The following CSNK2A2 variants were observed in gnomAD, a reference collection of about 807,000 sequenced individuals.
CSNK2A2 encodes the protein casein kinase 2 alpha 2.
CSNK2A2 carries 8 observed loss-of-function variants against 54.0 expected under a neutral mutation model. The observed-to-expected ratio is 0.15, with a 90% confidence interval of 0.09 to 0.27. CSNK2A2 has a LOEUF of 0.27. Ranked by LOEUF, CSNK2A2 falls within the 10% of genes least tolerant of loss-of-function variation. The probability of loss-of-function intolerance (pLI) is 1.00; values close to 1 mark genes in which losing one functional copy is unlikely to be tolerated. For missense variants in CSNK2A2, 242 were observed against 439.4 expected (o/e 0.55, Z 4.02); for synonymous variants, 141 against 153.9 (o/e 0.92, Z 0.62).
At chr16:58,174,857 A>T (rs550271492) in intron 4 of CSNK2A2, among the ~76,000 whole-genome samples, 35 of 150,074 alleles carry the variant, frequency 2.3e-4, no homozygotes, top group Non-Finnish European at 4.2e-4. Context: ...CTTACCGAAC[A>T]TCAAGAAAAC....
chr16:58,162,826 A>G (rs1024979812), intron 11 of CSNK2A2: 2 of 152,158 alleles, frequency 1.3e-5, no homozygotes, highest in Non-Finnish European at 2.9e-5. Flanking sequence ...GGTTTGCAAA[A>G]TGGATCCAAC....
chr16:58,167,198 T>A lies in CSNK2A2; in HGVS notation c.726+9A>T, dbSNP rs1258773792. 1.3e-6 allele frequency: 2 copies of A among 1,596,574 alleles called. No homozygotes were observed. The highest frequency in any genetic ancestry group is 3.5e-5 in the Admixed American group (2 of 56,572). Reference sequence around the variant, plus strand: ...CCAAATAAATAAGAACCAGAAAGCATTTGCTCACCTGGTCATAGTTGTCCT... The same window carrying A: ...CCAAATAAATAAGAACCAGAAAGCAATTGCTCACCTGGTCATAGTTGTCCT... On this transcript the variant is annotated intron_variant, in intron 8 of 11. Coordinates refer to ENST00000262506, the MANE Select transcript of CSNK2A2 (RefSeq NM_001896.4).
At chr16:58,189,477 C>G (rs1335773371) in intron 2 of CSNK2A2, among the ~76,000 whole-genome samples, 13 of 152,172 alleles carry the variant, frequency 8.5e-5, no homozygotes, top group Admixed American at 8.5e-4. Context: ...AGGCACAACC[C>G]ATTAGTTGCC....
At chr16:58,177,133 C>T (rs1425116681) in intron 4 of CSNK2A2, among the ~76,000 whole-genome samples, 2 of 152,214 alleles carry the variant, frequency 1.3e-5, no homozygotes, top group African/African-American at 4.8e-5. Flanking sequence ...AAAGCAAGTG[C>T]TTCATACACC....
chr16:58,161,448 TTA>T (rs1961354636), intron 11 of CSNK2A2: 1 of 151,916 alleles, frequency 6.6e-6, no homozygotes, highest in African/African-American at 2.4e-5. Flanking sequence ...TGAGATGAGT[TTA>T]AGAAAGAATA....
chr16:58,163,039 A>T (rs1390292819), intron 11 of CSNK2A2: 1 of 152,136 alleles, frequency 6.6e-6, no homozygotes, highest in African/African-American at 2.4e-5. Flanking sequence ...TCTCATGGGG[A>T]TAAAAGGAGG....
chr16:58,197,588 G>T lies in CSNK2A2; in HGVS notation c.104+45C>A. 7.3e-7 allele frequency: 1 copy of T among 1,375,708 alleles called. No homozygotes were observed. Among genetic ancestry groups the T allele is most frequent in the Non-Finnish European group, 9.9e-7 (1 of 1,008,848 alleles). 85.2% of individuals were successfully genotyped at this position (1,375,708 alleles called of 1,614,324 possible). A position where few individuals can be genotyped will look rare whatever the true frequency, so the allele number is the denominator to read the frequency against. ...GCGGTTCGCAGGGGGTGGCCGGGCG[G>T]GGGCAGGGATCAGCGGGCCCGGCGG... On this transcript the variant is annotated intron_variant, in intron 1 of 11. Transcript: ENST00000262506. The surrounding 1 kb of genome is among the most constrained non-coding windows in gnomAD (Gnocchi z 4.0).
intron 4 of CSNK2A2, among the ~76,000 whole-genome samples, chr16:58,181,429 G>C (rs914141425): frequency 6.6e-6 from 1 of 152,152 alleles, no homozygotes; most frequent in Non-Finnish European, 1.5e-5. Flanking sequence ...TTGAGGCTAA[G>C]ATACCAGCAG....
intron 4 of CSNK2A2, among the ~76,000 whole-genome samples, chr16:58,182,685 A>G (rs947075914): frequency 2.6e-5 from 4 of 152,198 alleles, no homozygotes; most frequent in African/African-American, 9.6e-5. Context: ...ACGAACTTCC[A>G]TTCAGATAAG....
chr16:58,179,813 C>T (rs1961980302), intron 4 of CSNK2A2, among the ~76,000 whole-genome samples: 1 of 152,078 alleles, frequency 6.6e-6, no homozygotes, highest in Non-Finnish European at 1.5e-5. Flanking sequence ...GGCGTGGTGG[C>T]CCACACCTGT....
At chr16:58,170,130 T>C (rs966387131) in intron 5 of CSNK2A2, among the ~76,000 whole-genome samples, 6 of 150,906 alleles carry the variant, frequency 4.0e-5, no homozygotes, top group African/African-American at 1.5e-4. Context: ...TTTATGTATA[T>C]AATGGTTTTT....
chr16:58,178,102 T>C (rs1299142086), intron 4 of CSNK2A2, among the ~76,000 whole-genome samples: 1 of 152,230 alleles, frequency 6.6e-6, no homozygotes, highest in African/African-American at 2.4e-5. Flanking sequence ...TCTAACAGAA[T>C]TAACAAGGCC....
chr16:58,197,102 G>C lies in CSNK2A2; in HGVS notation c.105-258C>G. The C allele has an allele frequency of 2.2e-6, 1 of 450,848 alleles. No homozygotes were observed. The highest frequency in any genetic ancestry group is 3.4e-5 in the Admixed American group (1 of 29,758). The allele number at this position is 450,848 out of a possible 1,614,324, so 27.9% of individuals were successfully genotyped here. A position where few individuals can be genotyped will look rare whatever the true frequency, so the allele number is the denominator to read the frequency against. ...ACGCTCTGAGCCAATCCAGAGGGGC[G>C]AGCAAAGCACCCGTCCTGAAGGCCT... On this transcript the variant is annotated intron_variant, in intron 1 of 11. Transcript: ENST00000262506. This position sits in a 1 kb window ranked among gnomAD's most constrained non-coding sequence, Gnocchi z 4.0.
Position 58,197,513 on chromosome 16 carries a change from T to C in CSNK2A2, c.104+120A>G, listed in dbSNP as rs1962495061. 4.0e-6 allele frequency: 2 copies of C among 497,994 alleles called. No homozygotes were observed. Among genetic ancestry groups the C allele is most frequent in the Non-Finnish European group, 7.0e-6 (2 of 284,852 alleles). 30.8% of individuals were successfully genotyped at this position (497,994 alleles called of 1,614,324 possible). A position where few individuals can be genotyped will look rare whatever the true frequency, so the allele number is the denominator to read the frequency against. On this transcript the variant is annotated intron_variant, in intron 1 of 11. Transcript: ENST00000262506. This position sits in a 1 kb window ranked among gnomAD's most constrained non-coding sequence, Gnocchi z 4.0. ...CATGTGCGAGAGCGGGACCTCTGCCTCCCTGCGGGCCCGCGGAGGGGTCGG... is the reference window on the plus strand; with the variant it reads ...CATGTGCGAGAGCGGGACCTCTGCCCCCCTGCGGGCCCGCGGAGGGGTCGG...
intron 3 of CSNK2A2, among the ~76,000 whole-genome samples, chr16:58,184,668 G>A (rs149993087): frequency 6.8e-4 from 104 of 152,296 alleles, no homozygotes; most frequent in African/African-American, 2.1e-3. Context: ...TGTATTCTCC[G>A]AATAACCTAC....
At chr16:58,189,563 G>C (rs1962276109) in intron 2 of CSNK2A2, among the ~76,000 whole-genome samples, 1 of 152,138 alleles carries the variant, frequency 6.6e-6, no homozygotes, top group African/African-American at 2.4e-5. Context: ...GGACAACCCA[G>C]TTAAGATGAA....
chr16:58,176,872 C>A (rs2142427736), intron 4 of CSNK2A2, among the ~76,000 whole-genome samples: 1 of 152,324 alleles, frequency 6.6e-6, no homozygotes, highest in Middle Eastern at 3.4e-3. Flanking sequence ...CTCAAGGTGA[C>A]TCCTCACTCT....
At chr16:58,162,815 A>G (rs1268960098) in intron 11 of CSNK2A2, 2 of 152,148 alleles carry the variant, frequency 1.3e-5, no homozygotes, top group African/African-American at 2.4e-5. Context: ...GCTAACATGA[A>G]GGTTTGCAAA....
intron 2 of CSNK2A2, 129 bp downstream of exon 2, chr16:58,196,604 C>CTG (rs1323097806): frequency 2.9e-6 from 2 of 698,696 alleles, no homozygotes; most frequent in East Asian, 2.7e-5. Context: ...GAGTGAGACT[C>CTG]TGACTCTAAA....
Sources: gnomAD v4.1 joint callset for allele counts (sites outside exome capture counted in the v4.1 genomes callset) on GRCh38, gnomAD v4.1.1 for gene constraint, Gnocchi (gnomAD v3.1) non-coding constraint, MANE v1.5 for transcripts, NCBI Gene and HGNC (gene_info 2026-07-23, HGNC 2026-07-21) for gene names.